Variants in LIMS4 observed in about 807,000 individuals in gnomAD.
LIMS4 encodes LIM and senescent cell antigen-like-containing domain protein 4.
the LIMS4 span, among the ~76,000 whole-genome samples, chr2:110,411,504 TC>T: frequency 7.3e-6 from 1 of 136,488 alleles, no homozygotes; most frequent in Admixed American, 7.3e-5. Flanking sequence ...GCCACTGTTG[TC>T]CCCAGTGATG....
the LIMS4 span, among the ~76,000 whole-genome samples, chr2:110,394,705 C>G: frequency 1.1e-5 from 1 of 91,340 alleles, no homozygotes; most frequent in Non-Finnish European, 2.1e-5. Flanking sequence ...CTACTGTACT[C>G]CAGCCTGGGT....
At chr2:110,392,361 C>T in the LIMS4 span, among the ~76,000 whole-genome samples, 1 of 150,914 alleles carries the variant, frequency 6.6e-6, no homozygotes, top group Admixed American at 6.6e-5. Flanking sequence ...ATGGCGTGAA[C>T]CTGGGAGGCA....
the LIMS4 span, among the ~76,000 whole-genome samples, chr2:110,366,048 T>G: frequency 6.6e-6 from 1 of 151,296 alleles, no homozygotes; most frequent in Admixed American, 6.5e-5. Flanking sequence ...TCCATCTAAT[T>G]TTATGATTTT....
chr2:110,361,101 C>A, the LIMS4 span: 2 of 858,246 alleles, frequency 2.3e-6, no homozygotes, highest in South Asian at 1.4e-5. Context: ...ACCTTGGGGT[C>A]TTCTTTTATT....
chr2:110,407,870 T>C, the LIMS4 span: 2 of 104,746 alleles, frequency 1.9e-5, no homozygotes, highest in Non-Finnish European at 3.8e-5. Flanking sequence ...TCAGTTTGGG[T>C]TCAAGTTCAA....
chr2:110,379,146 G>A, the LIMS4 span, among the ~76,000 whole-genome samples: 1 of 151,448 alleles, frequency 6.6e-6, no homozygotes, highest in Non-Finnish European at 1.5e-5. Flanking sequence ...CAGGGTTGTA[G>A]GTCAAAGTTT....
the LIMS4 span, among the ~76,000 whole-genome samples, chr2:110,425,023 C>T: frequency 7.0e-6 from 1 of 143,486 alleles, no homozygotes; most frequent in Non-Finnish European, 1.5e-5. Context: ...TTTGCGGAAG[C>T]TTTATTCTTT....
chr2:110,361,840 G>A, the LIMS4 span: 10 of 824,740 alleles, frequency 1.2e-5, no homozygotes, highest in Non-Finnish European at 2.1e-5. Context: ...TGTAGGTGTG[G>A]GAATGTGTGC....
At chr2:110,378,883 G>GC in the LIMS4 span, among the ~76,000 whole-genome samples, 2 of 135,888 alleles carry the variant, frequency 1.5e-5, no homozygotes, top group Non-Finnish European at 3.0e-5. Context: ...TGTCATAATG[G>GC]CCACCTTGCA....
the LIMS4 span, among the ~76,000 whole-genome samples, chr2:110,422,661 ACTC>A: frequency 1.9e-5 from 1 of 51,454 alleles, no homozygotes; most frequent in African/African-American, 1.8e-4. Context: ...GAGCTTTTCA[ACTC>A]CACACACAAG....
chr2:110,425,235 A>T, the LIMS4 span, among the ~76,000 whole-genome samples: 9 of 143,510 alleles, frequency 6.3e-5, no homozygotes, highest in African/African-American at 2.3e-4. Context: ...CTTTAAAAAA[A>T]AAAGAGCTGG....
chr2:110,359,693 T>C, the LIMS4 span, among the ~76,000 whole-genome samples: 1 of 99,692 alleles, frequency 1.0e-5, no homozygotes, highest in East Asian at 3.2e-4. Context: ...ATACTTGATA[T>C]TCTTAGTTGT....
the LIMS4 span, chr2:110,376,075 C>A: frequency 9.3e-6 from 1 of 107,860 alleles, no homozygotes; most frequent in Non-Finnish European, 1.7e-5. Context: ...CTTCTAGGGG[C>A]TCCAGCTTCT....
chr2:110,425,112 G>A, the LIMS4 span, among the ~76,000 whole-genome samples: 1,045 of 142,334 alleles, frequency 7.3e-3, 82 homozygotes, highest in Non-Finnish European at 0.011. Context: ...AAGGTCCATG[G>A]CTTCATTCTC....
At chr2:110,378,884 C>T in the LIMS4 span, among the ~76,000 whole-genome samples, 1 of 137,500 alleles carries the variant, frequency 7.3e-6, no homozygotes, top group Non-Finnish European at 1.5e-5. Context: ...GTCATAATGG[C>T]CACCTTGCAG....
chr2:110,361,987 C>T, the LIMS4 span: 2 of 1,148,354 alleles, frequency 1.7e-6, no homozygotes, highest in Admixed American at 2.1e-5. Context: ...AACCAACTCT[C>T]CTTGTGTAGT....
At chr2:110,367,708 G>A in the LIMS4 span, among the ~76,000 whole-genome samples, 11,068 of 146,226 alleles carry the variant, frequency 0.076, 2,316 homozygotes, top group African/African-American at 0.28. Flanking sequence ...GAAACCCCAC[G>A]TTTACCAAAA....
chr2:110,372,671 G>T, the LIMS4 span, among the ~76,000 whole-genome samples: 1 of 148,960 alleles, frequency 6.7e-6, no homozygotes, highest in Non-Finnish European at 1.5e-5. Context: ...ACACCTGGCT[G>T]ATTTTTGTAT....
the LIMS4 span, among the ~76,000 whole-genome samples, chr2:110,392,911 C>CG: frequency 5.2e-4 from 33 of 63,358 alleles, no homozygotes; most frequent in African/African-American, 2.6e-3. Context: ...TTACAGAGAC[C>CG]CCCCCTAGGG....
Sources: allele counts gnomAD v4.1 joint callset (sites outside exome capture counted in the v4.1 genomes callset), GRCh38; gene constraint gnomAD v4.1.1; transcripts MANE v1.5; gene names NCBI Gene and HGNC (gene_info 2026-07-23, HGNC 2026-07-21).